The following MACROD2 variants were observed in gnomAD, a reference collection of about 807,000 sequenced individuals.
The protein encoded by MACROD2 is mono-ADP ribosylhydrolase 2, also known as ADP-ribose glycohydrolase MACROD2.
Under a neutral mutation model 70.4 loss-of-function variants are expected in MACROD2, and 36 were observed. The observed-to-expected ratio is 0.51, with a 90% confidence interval of 0.39 to 0.68. MACROD2 has a LOEUF of 0.68. Among genes scored for constraint, MACROD2 ranks in the 30% least tolerant of loss-of-function variants. The pLI is 0.00. For synonymous variants in MACROD2, 172 were observed against 178.8 expected, an observed-to-expected ratio of 0.96 and a Z score of 0.30; for missense variants, 496 against 538.4, an observed-to-expected ratio of 0.92 and a Z score of 0.78.
chr20:14,862,080 T>TATAAATATAC (rs2073335724), intron 5 of MACROD2, among the ~76,000 whole-genome samples: 2 of 40,208 alleles, frequency 5.0e-5, no homozygotes, highest in African/African-American at 2.3e-4. Flanking sequence ...TATAAATATA[T>TATAAATATAC]AAATATATAT....
intron 7 of MACROD2, among the ~76,000 whole-genome samples, chr20:15,461,951 T>C (rs952568381): frequency 1.3e-5 from 2 of 152,196 alleles, no homozygotes; most frequent in South Asian, 2.1e-4. Context: ...AGATTTTTTT[T>C]TTCTTTACTA....
intron 4 of MACROD2, among the ~76,000 whole-genome samples, chr20:14,591,413 C>T (rs6033981): frequency 0.047 from 7,158 of 152,126 alleles, 448 homozygotes; most frequent in African/African-American, 0.14. Context: ...TTGTAAATTA[C>T]GTAGTATAGC....
intron 6 of MACROD2, among the ~76,000 whole-genome samples, chr20:15,284,023 A>G (rs1343920905): frequency 6.6e-6 from 1 of 152,208 alleles, no homozygotes; most frequent in Non-Finnish European, 1.5e-5. Flanking sequence ...TATTTCTAAA[A>G]TATAGAATAG....
chr20:14,827,398 A>G (rs908473478), intron 5 of MACROD2, among the ~76,000 whole-genome samples: 5 of 152,128 alleles, frequency 3.3e-5, no homozygotes, highest in African/African-American at 1.2e-4. Flanking sequence ...AGTAATAAAC[A>G]CAGCTTGAGT....
At chr20:15,442,001 G>A (rs553574338) in intron 7 of MACROD2, among the ~76,000 whole-genome samples, 1 of 152,294 alleles carries the variant, frequency 6.6e-6, no homozygotes, top group Admixed American at 6.5e-5. Context: ...GAGTGTTGAA[G>A]AATTGTCCAC....
intron 12 of MACROD2, among the ~76,000 whole-genome samples, chr20:15,966,440 C>G (rs185190254): frequency 4.8e-4 from 73 of 152,236 alleles, no homozygotes; most frequent in African/African-American, 1.5e-3. Context: ...GTTGGCTCCC[C>G]AACATCAAGT....
intron 5 of MACROD2, among the ~76,000 whole-genome samples, chr20:15,197,488 A>ATTCC (rs1333302760): frequency 2.0e-5 from 3 of 152,302 alleles, no homozygotes; most frequent in Non-Finnish European, 2.9e-5. Context: ...ATCGAGACAT[A>ATTCC]TAAGCCTTTC....
intron 4 of MACROD2, among the ~76,000 whole-genome samples, chr20:14,602,465 G>A (rs544067038): frequency 1.8e-4 from 28 of 152,310 alleles, no homozygotes; most frequent in Admixed American, 8.5e-4. Context: ...GTATTTGGCC[G>A]TCTCCTTGCC....
intron 5 of MACROD2, among the ~76,000 whole-genome samples, chr20:14,958,437 A>G (rs2074556131): frequency 6.6e-6 from 1 of 152,176 alleles, no homozygotes; most frequent in African/African-American, 2.4e-5. Context: ...GAGAAGACAA[A>G]GGGTTGAACT....
intron 3 of MACROD2, among the ~76,000 whole-genome samples, chr20:14,274,143 T>C (rs992333409): frequency 2.6e-5 from 4 of 152,176 alleles, no homozygotes; most frequent in African/African-American, 9.7e-5. Context: ...TAACTCATTT[T>C]ATGAGGCCAG....
chr20:14,437,316 C>T (rs148922245), intron 3 of MACROD2, among the ~76,000 whole-genome samples: 178 of 152,102 alleles, frequency 1.2e-3, no homozygotes, highest in African/African-American at 4.0e-3. Flanking sequence ...TTTCTTGGGC[C>T]GGATGCAGTG....
chr20:14,047,021 C>A (rs2053487669), intron 2 of MACROD2, among the ~76,000 whole-genome samples: 1 of 151,880 alleles, frequency 6.6e-6, no homozygotes, highest in South Asian at 2.1e-4. Flanking sequence ...TAAATGAATA[C>A]CCTTACAAAT....
At position 14,554,904 on chromosome 20, in the gene MACROD2, G is replaced by A. The variant is rs553478923; in HGVS notation, c.301+61396G>A. 1.2e-3 allele frequency among the ~76,000 whole-genome samples: 175 copies of A among 152,128 alleles called. 1 individual carries two copies. The highest frequency in any genetic ancestry group is 6.8e-3 in the Middle Eastern group (2 of 292). On this transcript the variant is annotated intron_variant, in intron 4 of 17. Transcript: ENST00000684519. Reference sequence around the variant, plus strand: ...TTATATTTACTCATATTAAATGCATGTGTGTTTTGAGACCAAGGTTTTTTG... The same window carrying A: ...TTATATTTACTCATATTAAATGCATATGTGTTTTGAGACCAAGGTTTTTTG...
intron 5 of MACROD2, among the ~76,000 whole-genome samples, chr20:14,922,440 C>A (rs1461978019): frequency 6.6e-6 from 1 of 152,118 alleles, no homozygotes; most frequent in East Asian, 1.9e-4. Flanking sequence ...TATTCTAGAA[C>A]TCAGAAAGTT....
chr20:14,573,056 C>CTT (rs11482403), intron 4 of MACROD2, among the ~76,000 whole-genome samples: 11 of 150,814 alleles, frequency 7.3e-5, no homozygotes, highest in Admixed American at 2.0e-4. Flanking sequence ...ATGAAATAGC[C>CTT]TTTTTTTTCC....
intron 5 of MACROD2, among the ~76,000 whole-genome samples, chr20:15,113,763 A>AGTGTGTGTGTGT (rs71340210): frequency 0.011 from 1,534 of 144,226 alleles, 17 homozygotes; most frequent in Middle Eastern, 0.032. Flanking sequence ...GTAGTCTTGA[A>AGTGTGTGTGTGT]GTGTGTGTGT....
At chr20:15,668,412 A>G (rs2049931018) in intron 8 of MACROD2, among the ~76,000 whole-genome samples, 1 of 151,864 alleles carries the variant, frequency 6.6e-6, no homozygotes, top group South Asian at 2.1e-4. Context: ...TACTAAAAAT[A>G]CAAAAATTAG....
intron 3 of MACROD2, among the ~76,000 whole-genome samples, chr20:14,402,688 T>G (rs548762057): frequency 6.6e-6 from 1 of 152,292 alleles, no homozygotes; most frequent in African/African-American, 2.4e-5. Flanking sequence ...CTTGATGCCC[T>G]TTTCTTTAGT....
chr20:15,707,708 G>A (rs1425867361), intron 8 of MACROD2, among the ~76,000 whole-genome samples: 6 of 151,996 alleles, frequency 3.9e-5, no homozygotes, highest in Admixed American at 6.6e-5. Flanking sequence ...ACTTGAACCT[G>A]GGAGGCACAG....
Sources: allele counts gnomAD v4.1 joint callset (sites outside exome capture counted in the v4.1 genomes callset), GRCh38; gene constraint gnomAD v4.1.1; transcripts MANE v1.5; gene names NCBI Gene and HGNC (gene_info 2026-07-23, HGNC 2026-07-21).